The following PTPRD variants were observed in gnomAD, a reference collection of about 807,000 sequenced individuals.
PTPRD encodes the protein receptor-type tyrosine-protein phosphatase delta.
A neutral mutation model predicts 214.5 loss-of-function variants in PTPRD; 34 were observed. The observed-to-expected ratio is 0.16, with a 90% CI of 0.12 to 0.21. The LOEUF (loss-of-function observed/expected upper bound fraction) is 0.21. PTPRD is among the 10% of genes least tolerant of loss of function. The pLI is 1.00. For synonymous variants in PTPRD, 1,128 were observed against 845.7 expected, an observed-to-expected ratio of 1.33 and a Z score of -5.79; for missense variants, 2,545 against 2,398.7, an observed-to-expected ratio of 1.06 and a Z score of -1.27.
intron 8 of PTPRD, among the ~76,000 whole-genome samples, chr9:9,425,905 A>T (rs2080705742): frequency 6.6e-6 from 1 of 152,144 alleles, no homozygotes; most frequent in South Asian, 2.1e-4. Flanking sequence ...AAAAGAATGA[A>T]ATCAAAAAGA....
chr9:9,752,849 C>A (rs1015108129), intron 6 of PTPRD, among the ~76,000 whole-genome samples: 1 of 152,002 alleles, frequency 6.6e-6, no homozygotes, highest in Non-Finnish European at 1.5e-5. Context: ...TTTGGAAATG[C>A]TGCTACCTCA....
rs1019261968 is a variant in PTPRD at position 9,950,039 on chromosome 9, T to A, written c.-471-11429A>T. On this transcript the variant is annotated intron_variant, in intron 4 of 45. Coordinates refer to ENST00000381196, the MANE Select transcript of PTPRD (RefSeq NM_002839.4). ...TAACATAAAGTCTCTTAGTTATTCT[T>A]AACGTACCATCATAGTCCAGCCCAT... is the stretch of plus-strand genomic sequence containing the variant. Among the ~76,000 whole-genome samples the A allele has an allele frequency of 8.5e-5, 13 of 152,180 alleles. 1 individual carries two copies. The highest frequency in any genetic ancestry group is 2.6e-4 in the Admixed American group (4 of 15,268).
chr9:9,903,892 G>A (rs1258614247), intron 5 of PTPRD, among the ~76,000 whole-genome samples: 2 of 151,958 alleles, frequency 1.3e-5, no homozygotes, highest in African/African-American at 2.4e-5. Flanking sequence ...CAATAAACTC[G>A]GTTTTCAAAA....
chr9:10,129,306 G>C (rs988355406), intron 3 of PTPRD, among the ~76,000 whole-genome samples: 1 of 152,004 alleles, frequency 6.6e-6, no homozygotes, highest in African/African-American at 2.4e-5. Flanking sequence ...AGAGCACTTT[G>C]AGAATCTTTT....
At chr9:10,491,387 T>C (rs1349388170) in intron 2 of PTPRD, among the ~76,000 whole-genome samples, 1 of 152,284 alleles carries the variant, frequency 6.6e-6, no homozygotes, top group South Asian at 2.1e-4. Context: ...ACATAAGAAT[T>C]AGATCACTGA....
intron 10 of PTPRD, among the ~76,000 whole-genome samples, chr9:9,156,157 G>T (rs1406415944): frequency 6.6e-6 from 1 of 152,072 alleles, no homozygotes. Flanking sequence ...TTTTAAAAGG[G>T]TTCTGAGAAA....
intron 2 of PTPRD, among the ~76,000 whole-genome samples, chr9:10,509,483 A>ATCTATCTATCT (rs1268510420): frequency 7.3e-6 from 1 of 137,808 alleles, no homozygotes; most frequent in Non-Finnish European, 1.5e-5. Flanking sequence ...CTATCTATCT[A>ATCTATCTATCT]TCTATCTATC....
intron 3 of PTPRD, among the ~76,000 whole-genome samples, chr9:10,249,886 A>C (rs1382033247): frequency 6.6e-6 from 1 of 152,182 alleles, no homozygotes; most frequent in African/African-American, 2.4e-5. Context: ...ATTTGAAAAA[A>C]ATAAAATAAA....
intron 3 of PTPRD, among the ~76,000 whole-genome samples, chr9:10,181,535 CT>C (rs202235286): frequency 5.3e-5 from 8 of 150,916 alleles, no homozygotes; most frequent in Admixed American, 2.6e-4. Flanking sequence ...CAAACACTAA[CT>C]TTTTTTTTCA....
intron 2 of PTPRD, among the ~76,000 whole-genome samples, chr9:10,381,604 G>C (rs1422808051): frequency 6.6e-6 from 1 of 151,872 alleles, no homozygotes; most frequent in Non-Finnish European, 1.5e-5. Flanking sequence ...CCTGTTATCT[G>C]GCTACAAAAG....
At chr9:9,510,280 T>C (rs2096668916) in intron 8 of PTPRD, among the ~76,000 whole-genome samples, 1 of 151,654 alleles carries the variant, frequency 6.6e-6, no homozygotes, top group Admixed American at 6.6e-5. Context: ...CTTAGAATAG[T>C]ATCTCTTTTT....
Position 9,564,948 on chromosome 9 carries a change from G to C in PTPRD, c.-237+9784C>G, listed in dbSNP as rs1272042567. 3.0e-5 allele frequency among the ~76,000 whole-genome samples: 3 copies of C among 99,466 alleles called. No homozygotes were observed. The East Asian group carries it at 1.1e-3, about 36-fold the overall frequency. 65.3% of individuals were successfully genotyped at this position (99,466 alleles called of 152,430 possible). On this transcript the variant is annotated intron_variant, in intron 8 of 45. Coordinates refer to ENST00000381196, the MANE Select transcript of PTPRD (RefSeq NM_002839.4). ...CTAAGGCTAACCTGTTATGGGCTAT[G>C]TACTATTTGCTTCATAAAGATTTAA...
chr9:9,250,864 C>T (rs554114469), intron 9 of PTPRD, among the ~76,000 whole-genome samples: 24 of 152,122 alleles, frequency 1.6e-4, no homozygotes, highest in African/African-American at 5.1e-4. Flanking sequence ...TGTGAAAAGT[C>T]TTTTTATTTA....
In PTPRD at chr9:10,235,040, CAAT is replaced by C. The variant is rs201222850; in HGVS notation, c.-545+105920_-545+105922del. On this transcript the variant is annotated intron_variant, in intron 3 of 45. Coordinates refer to ENST00000381196, the MANE Select transcript of PTPRD (RefSeq NM_002839.4). ...TAAACACTTAGCCTTAATCATTACACAATATTAGAAGCTTATCTTTCGTATTAA... is the reference window on the plus strand; with the variant it reads ...TAAACACTTAGCCTTAATCATTACACATTAGAAGCTTATCTTTCGTATTAA... 6.2e-3 allele frequency among the ~76,000 whole-genome samples: 940 copies of C among 151,902 alleles called. 10 individuals are homozygous for C. The highest frequency in any genetic ancestry group is 7.5e-3 in the Non-Finnish European group (511 of 67,890).
rs373802637 is a variant in PTPRD at position 8,340,400 on chromosome 9, G to C, written c.5196C>G (p.Leu1732=). The change falls in exon 42 of 46, where the codon CTC becomes CTG. Residue 1732 remains leucine (L), a synonymous_variant. Coordinates refer to ENST00000381196, the MANE Select transcript of PTPRD (RefSeq NM_002839.4). ...AETTEDFWRM[L]WEHNSTIVVM... ...CAACTATGGTGGAATTGTGTTCCCA[G>C]AGCATCCGCCAGAAGTCTTCAGTGG... is the stretch of plus-strand genomic sequence containing the variant. The C allele has an allele frequency of 5.0e-6, 8 of 1,611,022 alleles. No individual in the cohort carries two copies. The highest frequency in any genetic ancestry group is 1.1e-5 in the South Asian group (1 of 90,808).
At chr9:8,410,153 C>T (rs77851675) in intron 35 of PTPRD, among the ~76,000 whole-genome samples, 3,356 of 152,250 alleles carry the variant, frequency 0.022, 50 homozygotes, top group Non-Finnish European at 0.034. Context: ...GAAAAGACCA[C>T]GTTTGCATAG....
intron 8 of PTPRD, among the ~76,000 whole-genome samples, chr9:9,504,314 T>C (rs952162714): frequency 6.6e-6 from 1 of 151,722 alleles, no homozygotes; most frequent in Non-Finnish European, 1.5e-5. Flanking sequence ...TGCTCAAATA[T>C]GACCACAAAA....
chr9:8,735,297 C>T (rs1266267048), intron 11 of PTPRD, among the ~76,000 whole-genome samples: 1 of 151,738 alleles, frequency 6.6e-6, no homozygotes, highest in Non-Finnish European at 1.5e-5. Flanking sequence ...GTGCCCACCA[C>T]CATGCCTGGG....
intron 3 of PTPRD, among the ~76,000 whole-genome samples, chr9:10,186,873 A>G (rs768984405): frequency 1.5e-4 from 23 of 152,124 alleles, no homozygotes; most frequent in Non-Finnish European, 2.9e-4. Flanking sequence ...TAACTCCACA[A>G]TTAGGAAACC....
Sources: allele counts gnomAD v4.1 joint callset (sites outside exome capture counted in the v4.1 genomes callset), GRCh38; gene constraint gnomAD v4.1.1; transcripts MANE v1.5; gene names NCBI Gene and HGNC (gene_info 2026-07-23, HGNC 2026-07-21).